Variants in FGD5 observed in about 807,000 individuals in gnomAD.
The protein encoded by FGD5 is FYVE, RhoGEF and PH domain containing 5, also known as FYVE, RhoGEF and PH domain-containing protein 5.
FGD5 carries 28 observed loss-of-function variants against 133.4 expected under a neutral mutation model. That is an observed-to-expected ratio of 0.21 (90% confidence interval 0.16 to 0.29). The LOEUF (loss-of-function observed/expected upper bound fraction) is 0.29. FGD5 is among the 10% of genes least tolerant of loss of function. The probability of loss-of-function intolerance (pLI) is 1.00; values close to 1 mark genes in which losing one functional copy is unlikely to be tolerated. For missense variants in FGD5, 1,858 were observed against 1,895.2 expected (o/e 0.98, Z 0.36); for synonymous variants, 810 against 776.5 (o/e 1.04, Z -0.72).
intron 2 of FGD5, among the ~76,000 whole-genome samples, chr3:14,865,850 A>G (rs1270648319): frequency 6.6e-6 from 1 of 152,060 alleles, no homozygotes; most frequent in African/African-American, 2.4e-5. Flanking sequence ...CTCCTCTCCC[A>G]AGAAGGAGTA....
At chr3:14,893,745 CTTTTTTCTTTT>C (rs1559496427) in intron 4 of FGD5, among the ~76,000 whole-genome samples, 1 of 89,112 alleles carries the variant, frequency 1.1e-5, no homozygotes, top group African/African-American at 4.2e-5. Flanking sequence ...TCTTTCTTTT[CTTTTTTCTTTT>C]TTTTTTTTTT....
intron 17 of FGD5, among the ~76,000 whole-genome samples, 169 bp downstream of exon 17, chr3:14,924,307 G>T (rs768005016): frequency 1.3e-5 from 2 of 152,124 alleles, no homozygotes; most frequent in Admixed American, 6.5e-5. Context: ...GACAGTGATG[G>T]TGCTAGGCGA....
At chr3:14,818,636 A>C (rs1167309107), upstream of FGD5, among the ~76,000 whole-genome samples, 2 of 152,158 alleles carry the variant, frequency 1.3e-5, no homozygotes, top group Non-Finnish European at 2.9e-5. Context: ...GTTTATCAGT[A>C]GCTGCTGGAT....
intron 4 of FGD5, among the ~76,000 whole-genome samples, chr3:14,896,157 A>T (rs2038133833): frequency 6.6e-6 from 1 of 152,256 alleles, no homozygotes; most frequent in African/African-American, 2.4e-5. Flanking sequence ...AAATGCGAAG[A>T]TGTTCCATGC....
chr3:14,831,813 C>G (rs1451732364), intron 1 of FGD5, among the ~76,000 whole-genome samples: 2 of 152,206 alleles, frequency 1.3e-5, no homozygotes, highest in African/African-American at 4.8e-5. Flanking sequence ...GAAGAAGCCA[C>G]TACAGAAAGG....
chr3:14,821,117 A>C lies in FGD5; in HGVS notation c.2046A>C (p.Ser682=). ...ACGTGTCTTCCTCTAGGTCCTCTTC[A>C]GAGTCCAGCTACCACGGGCCTTCCA... ...DVNVSSSRSS[S]ESSYHGPSRI... The change falls in exon 1 of 20, where the codon TCA becomes TCC. Residue 682 remains serine (S), a synonymous_variant. Coordinates refer to ENST00000285046, the MANE Select transcript of FGD5 (RefSeq NM_152536.4). 6.2e-7 allele frequency: 1 copy of C among 1,614,022 alleles called. No homozygotes were observed. The highest frequency in any genetic ancestry group is 8.5e-7 in the Non-Finnish European group (1 of 1,179,894).
rs188224444 is a variant in FGD5 at position 14,859,831 on chromosome 3, T to C, written c.2526-4297T>C. On this transcript the variant is annotated intron_variant, in intron 1 of 19. Coordinates refer to ENST00000285046, the MANE Select transcript of FGD5 (RefSeq NM_152536.4). ...GTGATATCTGAATTTGGTTCTATCATGTATGGCCCATGTTACAAGTTCCAT... is the reference window on the plus strand; with the variant it reads ...GTGATATCTGAATTTGGTTCTATCACGTATGGCCCATGTTACAAGTTCCAT... 1.1e-3 allele frequency among the ~76,000 whole-genome samples: 164 copies of C among 152,306 alleles called. 1 individual carries two copies. The highest frequency in any genetic ancestry group is 1.1e-3 in the Admixed American group (17 of 15,300).
intron 1 of FGD5, among the ~76,000 whole-genome samples, chr3:14,812,345 A>C (rs184974240): frequency 2.4e-4 from 36 of 152,322 alleles, no homozygotes; most frequent in Non-Finnish European, 3.1e-4. Context: ...GCGTGGCTGA[A>C]CAGAGCCAGG....
chr3:14,881,378 T>G (rs902895583), intron 4 of FGD5, among the ~76,000 whole-genome samples: 1 of 152,178 alleles, frequency 6.6e-6, no homozygotes, highest in South Asian at 2.1e-4. Flanking sequence ...CAGCAGACAT[T>G]GTTTTGAGCT....
rs34728691 is a variant in FGD5 at position 14,902,281 on chromosome 3, TA to T, written c.3264+1239del. On this transcript the variant is annotated intron_variant, in intron 9 of 19. Transcript: ENST00000285046. Reference sequence around the variant, plus strand: ...TGGGTGACAGAGTGAGATTCCATCTTAAAAAAAAAAAAAAAAAAAGTTGACC... The same window carrying T: ...TGGGTGACAGAGTGAGATTCCATCTTAAAAAAAAAAAAAAAAAAGTTGACC... Among the ~76,000 whole-genome samples the T allele has an allele frequency of 6.8e-3, 850 of 124,444 alleles. 8 individuals are homozygous for T. The highest frequency in any genetic ancestry group is 0.019 in the African/African-American group (614 of 32,442). The allele number at this position is 124,444 out of a possible 152,430, so 81.6% of individuals were successfully genotyped here.
At chr3:14,896,170 A>G (rs953855293) in intron 4 of FGD5, among the ~76,000 whole-genome samples, 1 of 152,242 alleles carries the variant, frequency 6.6e-6, no homozygotes, top group African/African-American at 2.4e-5. Flanking sequence ...TTCCATGCTC[A>G]TGGATTAGAA....
At chr3:14,835,528 A>C (rs185403705) in intron 1 of FGD5, among the ~76,000 whole-genome samples, 2 of 151,992 alleles carry the variant, frequency 1.3e-5, no homozygotes, top group Non-Finnish European at 2.9e-5. Flanking sequence ...AAAGAAAAGA[A>C]AGCTGCACTA....
At chr3:14,836,555 G>A (rs1009731059) in intron 1 of FGD5, among the ~76,000 whole-genome samples, 3 of 152,230 alleles carry the variant, frequency 2.0e-5, no homozygotes, top group Non-Finnish European at 4.4e-5. Context: ...CCCGACTTTT[G>A]AGTTTTCTCT....
At position 14,820,906 on chromosome 3, in the gene FGD5, T is replaced by C. The variant is rs2036483660; in HGVS notation, c.1835T>C (p.Met612Thr). The C allele has an allele frequency of 1.2e-6, 2 of 1,613,802 alleles. No individual in the cohort carries two copies. The highest frequency in any genetic ancestry group is 8.5e-7 in the Non-Finnish European group (1 of 1,179,856). ...PSSGTSTPSS[M>T]VDIPPPFDLA... ...AGCGGCACCTCCACGCCTTCTTCCA[T>C]GGTCGACATCCCACCTCCTTTCGAC... is the stretch of plus-strand genomic sequence containing the variant. The change falls in exon 1 of 20, where the codon ATG becomes ACG. Residue 612 changes from methionine (M) to threonine (T), a missense_variant. Transcript: ENST00000285046.
intron 1 of FGD5, among the ~76,000 whole-genome samples, chr3:14,829,426 G>T (rs890755870): frequency 6.6e-6 from 1 of 152,162 alleles, no homozygotes; most frequent in South Asian, 2.1e-4. Context: ...GTGAAGAGAT[G>T]GTTGTAGTGG....
At chr3:14,810,857 A>G (rs1399655670) in exon 1 of FGD5, 61 of 984,890 alleles carry the variant, frequency 6.2e-5, no homozygotes, top group Admixed American at 1.8e-4. Context: ...CTGAAGATGA[A>G]CAGAGCAGGT....
chr3:14,876,230 G>C (rs2037716854), intron 2 of FGD5, among the ~76,000 whole-genome samples: 1 of 152,174 alleles, frequency 6.6e-6, no homozygotes, highest in African/African-American at 2.4e-5. Context: ...CGATGCTAAT[G>C]CCTCACTCCC....
chr3:14,811,057 C>T (rs1476487007), intron 1 of FGD5, among the ~76,000 whole-genome samples: 1 of 151,916 alleles, frequency 6.6e-6, no homozygotes, highest in Non-Finnish European at 1.5e-5. Flanking sequence ...AACCGGGGGT[C>T]CCCGTCCGAA....
chr3:14,869,816 T>C (rs1348100747), intron 2 of FGD5, among the ~76,000 whole-genome samples: 1 of 152,224 alleles, frequency 6.6e-6, no homozygotes, highest in African/African-American at 2.4e-5. Context: ...ATGGGTGGAC[T>C]GTATTTTGTT....
Sources: gnomAD v4.1 joint callset for allele counts (sites outside exome capture counted in the v4.1 genomes callset) on GRCh38, gnomAD v4.1.1 for gene constraint, MANE v1.5 for transcripts, NCBI Gene and HGNC (gene_info 2026-07-23, HGNC 2026-07-21) for gene names.